PHF20: variants seen among roughly 807,000 people sequenced by gnomAD.
The protein encoded by PHF20 is PHD finger protein 20, also known as glioma-expressed antigen 2.
In PHF20, 23 loss-of-function variants were observed where a neutral mutation model predicts 113.5. The observed-to-expected ratio is 0.20, with a 90% confidence interval of 0.15 to 0.29. PHF20 has a LOEUF of 0.29. Ranked by LOEUF, PHF20 falls within the 10% of genes least tolerant of loss-of-function variation. The pLI is 1.00. For synonymous variants in PHF20, 434 were observed against 457.3 expected, an observed-to-expected ratio of 0.95 and a Z score of 0.65; for missense variants, 943 against 1,219.6, an observed-to-expected ratio of 0.77 and a Z score of 3.38.
At position 35,885,608 on chromosome 20, in the gene PHF20, G is replaced by A. The variant is rs777210849; in HGVS notation, c.1283-13762G>A. On this transcript the variant is annotated intron_variant, in intron 9 of 17. Coordinates refer to ENST00000374012, the MANE Select transcript of PHF20 (RefSeq NM_016436.5). ...TTTTTCTGATGTATCCTCATAATTTGATTTGGGTTATTCACTTTCCACAGA... is the reference window on the plus strand; with the variant it reads ...TTTTTCTGATGTATCCTCATAATTTAATTTGGGTTATTCACTTTCCACAGA... Among the ~76,000 whole-genome samples, 65 of 148,636 alleles carry A rather than the reference G, an allele frequency of 4.4e-4. 1 individual carries two copies. Among genetic ancestry groups the A allele is most frequent in the Admixed American group, 8.9e-4 (13 of 14,544 alleles).
chr20:35,828,753 T>C (rs1179815583), intron 2 of PHF20, among the ~76,000 whole-genome samples: 1 of 152,184 alleles, frequency 6.6e-6, no homozygotes. Context: ...TGTTGGCTTA[T>C]CTTGTAGCTT....
At chr20:35,896,254 G>A (rs1240667630) in intron 9 of PHF20, among the ~76,000 whole-genome samples, 2 of 152,036 alleles carry the variant, frequency 1.3e-5, no homozygotes, top group African/African-American at 4.8e-5. Context: ...ACTTGAAAAA[G>A]TAATCATAAT....
chr20:35,932,428 A>ATTTTTT (rs753265544), intron 15 of PHF20, among the ~76,000 whole-genome samples: 20 of 104,658 alleles, frequency 1.9e-4, no homozygotes, highest in African/African-American at 7.7e-4. Flanking sequence ...CATCTTAACC[A>ATTTTTT]TTTTTTTTTT....
intron 12 of PHF20, among the ~76,000 whole-genome samples, chr20:35,915,680 T>C (rs2055391516): frequency 1.3e-5 from 2 of 152,152 alleles, no homozygotes. Context: ...CCACCGTGCC[T>C]GGACTGTTAC....
chr20:35,876,618 G>A (rs903324587), intron 9 of PHF20, among the ~76,000 whole-genome samples: 2 of 152,068 alleles, frequency 1.3e-5, no homozygotes, highest in Admixed American at 1.3e-4. Context: ...TGTGACTGTT[G>A]TAATTGGGCA....
intron 1 of PHF20, among the ~76,000 whole-genome samples, chr20:35,793,995 C>CAAAACAAA (rs1385077985): frequency 1.2e-4 from 4 of 33,836 alleles, no homozygotes; most frequent in South Asian, 1.5e-3. Context: ...GACTCTGTCT[C>CAAAACAAA]AAAAAAAAAA....
intron 2 of PHF20, among the ~76,000 whole-genome samples, chr20:35,817,992 TATA>T (rs1477257171): frequency 2.0e-5 from 3 of 151,388 alleles, no homozygotes; most frequent in Non-Finnish European, 4.4e-5. Context: ...TAAATTTAAT[TATA>T]ATTAAATTAC....
At chr20:35,909,535 T>C (rs779966821) in intron 10 of PHF20, among the ~76,000 whole-genome samples, 1 of 152,292 alleles carries the variant, frequency 6.6e-6, no homozygotes, top group East Asian at 1.9e-4. Flanking sequence ...GACTGATAGC[T>C]TTTTTGAAAT....
In PHF20 at chr20:35,781,168, G is replaced by A. The variant is rs181974956; in HGVS notation, c.-33+9089G>A. Among the ~76,000 whole-genome samples, 754 of 148,558 alleles carry A rather than the reference G, an allele frequency of 5.1e-3. 2 individuals carry two copies. The highest frequency in any genetic ancestry group is 8.7e-3 in the Non-Finnish European group (588 of 67,280). ...TATTCTTTTTTTTTTTTCTGAGATG[G>A]ATTCTTGCTCTGTCACCCAGGCTGA... On this transcript the variant is annotated intron_variant, in intron 1 of 17. Transcript: ENST00000374012.
intron 9 of PHF20, among the ~76,000 whole-genome samples, chr20:35,872,941 T>G (rs1465143742): frequency 6.6e-6 from 1 of 152,124 alleles, no homozygotes; most frequent in Non-Finnish European, 1.5e-5. Context: ...ATAAATTGAT[T>G]TTTGTGGGGT....
chr20:35,884,154 TGTATTAAC>T (rs1274185466), intron 9 of PHF20, among the ~76,000 whole-genome samples: 1 of 152,188 alleles, frequency 6.6e-6, no homozygotes, highest in Non-Finnish European at 1.5e-5. Flanking sequence ...TCACCAGGAA[TGTATTAAC>T]GTAAGTAAGC....
intron 14 of PHF20, among the ~76,000 whole-genome samples, chr20:35,930,527 G>C (rs2055732663): frequency 6.6e-6 from 1 of 152,074 alleles, no homozygotes; most frequent in African/African-American, 2.4e-5. Context: ...AGAAAAATTA[G>C]CCAGGCATGG....
At chr20:35,851,105 G>A (rs1015562338) in intron 4 of PHF20, among the ~76,000 whole-genome samples, 38 of 152,168 alleles carry the variant, frequency 2.5e-4, no homozygotes, top group Non-Finnish European at 4.9e-4. Flanking sequence ...TGTCTGTCAG[G>A]GCTTTTTGCC....
At chr20:35,840,094 C>A (rs1459236397) in intron 2 of PHF20, among the ~76,000 whole-genome samples, 1 of 152,104 alleles carries the variant, frequency 6.6e-6, no homozygotes, top group African/African-American at 2.4e-5. Context: ...ATTAGGACAG[C>A]ACTGTACTAG....
chr20:35,924,250 A>G (rs6058366), intron 13 of PHF20, among the ~76,000 whole-genome samples: 37,788 of 144,416 alleles, frequency 0.26, 5,835 homozygotes, highest in African/African-American at 0.45. Context: ...GGGGTAGTGC[A>G]ATGGTGTGAT....
intron 9 of PHF20, among the ~76,000 whole-genome samples, chr20:35,883,660 T>C: frequency 6.6e-6 from 1 of 152,182 alleles, no homozygotes; most frequent in East Asian, 1.9e-4. Flanking sequence ...CAGGCTGGTC[T>C]CAAACTCCTG....
chr20:35,785,754 T>C lies in PHF20; in HGVS notation c.-33+13675T>C, dbSNP rs990893511. 5.3e-5 allele frequency among the ~76,000 whole-genome samples: 8 copies of C among 152,084 alleles called. No homozygotes were observed. The East Asian group carries it at 1.5e-3, about 29-fold the overall frequency. ...TGTTTTCCTTTGTAATATGGTGATA[T>C]TTCAATTAAGAAATTCTGTAAGAAT... On this transcript the variant is annotated intron_variant, in intron 1 of 17. Coordinates refer to ENST00000374012, the MANE Select transcript of PHF20 (RefSeq NM_016436.5).
At chr20:35,802,978 T>G (rs1600751993) in intron 2 of PHF20, among the ~76,000 whole-genome samples, 2 of 125,238 alleles carry the variant, frequency 1.6e-5, no homozygotes, top group Non-Finnish European at 1.7e-5. Context: ...ACTTGGCCAG[T>G]TGTGGTGGCT....
At chr20:35,926,111 G>C (rs372571117) in intron 13 of PHF20, among the ~76,000 whole-genome samples, 5 of 106,652 alleles carry the variant, frequency 4.7e-5, no homozygotes, top group African/African-American at 1.6e-4. Context: ...GACAGAGTGA[G>C]ACTCCATCTC....
Sources: gnomAD v4.1 joint callset for allele counts (sites outside exome capture counted in the v4.1 genomes callset) on GRCh38, gnomAD v4.1.1 for gene constraint, MANE v1.5 for transcripts, NCBI Gene and HGNC (gene_info 2026-07-23, HGNC 2026-07-21) for gene names.